MIA2: variants seen among roughly 807,000 people sequenced by gnomAD.
The protein encoded by MIA2 is melanoma inhibitory activity protein 2.
In MIA2, 127 loss-of-function variants were observed where a neutral mutation model predicts 167.8. The ratio of observed to expected loss-of-function variants is 0.76; its 90% confidence interval spans 0.66 to 0.88. The LOEUF (loss-of-function observed/expected upper bound fraction) is 0.88, where lower values mean the gene tolerates loss of function less well. Among genes scored for constraint, MIA2 ranks in the 40% least tolerant of loss-of-function variants. MIA2 has a pLI of 0.00. For synonymous variants in MIA2, 552 were observed against 541.9 expected, an observed-to-expected ratio of 1.02 and a Z score of -0.26; for missense variants, 1,690 against 1,624.7, an observed-to-expected ratio of 1.04 and a Z score of -0.69.
intron 6 of MIA2, among the ~76,000 whole-genome samples, chr14:39,258,215 G>C (rs2054910820): frequency 6.6e-6 from 1 of 152,022 alleles, no homozygotes; most frequent in African/African-American, 2.4e-5. Context: ...TTACTTTCAG[G>C]TACACCAACC....
intron 21 of MIA2, among the ~76,000 whole-genome samples, chr14:39,316,896 T>G (rs1233667303): frequency 6.6e-6 from 1 of 152,086 alleles, no homozygotes; most frequent in Non-Finnish European, 1.5e-5. Context: ...AGACACTGAC[T>G]TGTAAAGATT....
At chr14:39,308,336 A>C (rs1269849223) in intron 17 of MIA2, 113 bp from the exon 18 acceptor site, 2 of 652,344 alleles carry the variant, frequency 3.1e-6, no homozygotes, top group Non-Finnish European at 4.6e-6. Context: ...TGTTATTGGA[A>C]AGAGTTTAGT....
intron 25 of MIA2, among the ~76,000 whole-genome samples, chr14:39,330,439 GT>G (rs1161881717): frequency 6.6e-6 from 1 of 151,838 alleles, no homozygotes; most frequent in East Asian, 1.9e-4. Flanking sequence ...TTTTTGAAGG[GT>G]TTTTTGTGTC....
At chr14:39,321,087 G>A in intron 24 of MIA2, 31 bp downstream of exon 24, 1 of 1,579,584 alleles carries the variant, frequency 6.3e-7, no homozygotes, top group Non-Finnish European at 8.6e-7. Flanking sequence ...TATTACTCTA[G>A]ATTTCTTCCT....
At chr14:39,302,635 C>A (rs2062709369) in intron 15 of MIA2, among the ~76,000 whole-genome samples, 2 of 152,144 alleles carry the variant, frequency 1.3e-5, no homozygotes, top group South Asian at 2.1e-4. Flanking sequence ...CAGGATACTT[C>A]TTTTGCTTTT....
chr14:39,313,337 A>T lies in MIA2; in HGVS notation c.3018-3A>T, dbSNP rs746838873. ...GAGAATTATAACATTTTTTGTTTTT[A>T]AGGAAATTAACAGTAGAGGAAAATT... is the stretch of plus-strand genomic sequence containing the variant. On this transcript the variant is annotated splice_region_variant and splice_polypyrimidine_tract_variant and intron_variant, in intron 18 of 28. Coordinates refer to ENST00000640607, the MANE Select transcript of MIA2 (RefSeq NM_001329214.4). 1 of 1,499,310 alleles carries T rather than the reference A, an allele frequency of 6.7e-7. No homozygotes were observed. The highest frequency in any genetic ancestry group is 9.1e-7 in the Non-Finnish European group (1 of 1,093,632). The allele number at this position is 1,499,310 out of a possible 1,614,324, so 92.9% of individuals were successfully genotyped here.
chr14:39,256,972 G>C (rs922470011), intron 6 of MIA2, among the ~76,000 whole-genome samples: 10 of 152,152 alleles, frequency 6.6e-5, no homozygotes, highest in Non-Finnish European at 1.5e-4. Context: ...TGTGGTCTGA[G>C]AGACTGTTAC....
chr14:39,386,301 A>G, intron 23 of MIA2: 2 of 1,483,904 alleles, frequency 1.3e-6, no homozygotes, highest in South Asian at 1.1e-5. Flanking sequence ...CTGGCCTCCA[A>G]AGTGACTGTG....
chr14:39,297,914 C>G (rs2061668662), intron 13 of MIA2, among the ~76,000 whole-genome samples: 1 of 152,010 alleles, frequency 6.6e-6, no homozygotes, highest in African/African-American at 2.4e-5. Context: ...TTTGGGTGTT[C>G]CTACCTTCAG....
chr14:39,378,582 GT>G (rs1292381680), intron 23 of MIA2, among the ~76,000 whole-genome samples: 15 of 152,178 alleles, frequency 9.9e-5, no homozygotes, highest in Admixed American at 7.2e-4. Context: ...AGGAAATTTA[GT>G]TACTTCTTTG....
Position 39,356,665 on chromosome 14 carries a change from T to C in MIA2, c.2248+7688T>C, listed in dbSNP as rs140627252. On this transcript the variant is annotated intron_variant, in intron 23 of 23. Coordinates refer to the MIA2 transcript ENST00000341502. ...ATTAGGGTGTCAATTTTAGAACTTT[T>C]TCTGCTTTCTCTTGTGGGCATTTAG... is the stretch of plus-strand genomic sequence containing the variant. Among the ~76,000 whole-genome samples, 274 of 152,356 alleles carry C rather than the reference T, an allele frequency of 1.8e-3. 1 individual carries two copies. Among genetic ancestry groups the C allele is most frequent in the African/African-American group, 6.1e-3 (252 of 41,586 alleles).
At chr14:39,267,672 C>A (rs1020794983) in intron 6 of MIA2, 5 of 940,134 alleles carry the variant, frequency 5.3e-6, no homozygotes, top group South Asian at 3.3e-5. Flanking sequence ...CGCCCGTGTT[C>A]GAGGCAGTAG....
At chr14:39,288,034 A>G (rs2060050624) in intron 9 of MIA2, among the ~76,000 whole-genome samples, 1 of 151,968 alleles carries the variant, frequency 6.6e-6, no homozygotes, top group Non-Finnish European at 1.5e-5. Flanking sequence ...TTTGGTAGAG[A>G]TGTGGTTTTG....
chr14:39,288,121 G>A (rs1042882897), intron 9 of MIA2, among the ~76,000 whole-genome samples: 1 of 151,992 alleles, frequency 6.6e-6, no homozygotes, highest in Admixed American at 6.6e-5. Context: ...CACCACACCT[G>A]GCCAGAACTT....
In MIA2 at chr14:39,300,047, T is replaced by A. The variant is rs970009430; in HGVS notation, c.2619+61T>A. On this transcript the variant is annotated intron_variant, in intron 14 of 28. Transcript: ENST00000640607. ...CTAGAATTTTACACTAACTCTGAAA[T>A]TTGAAAGCTAGTTTTTAGCAACTTT... 4 of 1,554,598 alleles carry A rather than the reference T, an allele frequency of 2.6e-6. No individual in the cohort carries two copies. The East Asian group carries it at 9.2e-5, about 36-fold the overall frequency.
chr14:39,335,517 T>A (rs2153032493), intron 25 of MIA2, among the ~76,000 whole-genome samples: 1 of 152,372 alleles, frequency 6.6e-6, no homozygotes, highest in South Asian at 2.1e-4. Context: ...GAGAAAACTT[T>A]ACTTAGCTTA....
At chr14:39,346,831 C>T (rs1246954221) in intron 26 of MIA2, 2 of 249,854 alleles carry the variant, frequency 8.0e-6, no homozygotes, top group South Asian at 4.5e-5. Context: ...GTCTTGAACT[C>T]CTGGGCTCAA....
intron 24 of MIA2, among the ~76,000 whole-genome samples, chr14:39,325,919 G>A (rs1425565791): frequency 6.6e-6 from 1 of 151,564 alleles, no homozygotes; most frequent in Non-Finnish European, 1.5e-5. Context: ...TCACCATGTT[G>A]GCCAGGCTTG....
At chr14:39,255,478 A>C (rs965414323) in intron 6 of MIA2, among the ~76,000 whole-genome samples, 1 of 152,244 alleles carries the variant, frequency 6.6e-6, no homozygotes, top group Admixed American at 6.5e-5. Flanking sequence ...ACTGCACTCC[A>C]GCCTGGGCCA....
Sources: gnomAD v4.1 joint callset for allele counts (sites outside exome capture counted in the v4.1 genomes callset) on GRCh38, gnomAD v4.1.1 for gene constraint, MANE v1.5 for transcripts, NCBI Gene and HGNC (gene_info 2026-07-23, HGNC 2026-07-21) for gene names.